The following HEMK2 variants were observed in gnomAD, a reference collection of about 807,000 sequenced individuals.
HEMK2 encodes the protein methyltransferase HEMK2.
At chr21:28,863,356 C>T in the HEMK2 span, among the ~76,000 whole-genome samples, 26 of 141,378 alleles carry the variant, frequency 1.8e-4, no homozygotes, top group Admixed American at 9.6e-4. Flanking sequence ...AGCCTGCAGA[C>T]GGCTTATTGT....
At chr21:28,783,494 T>C in the HEMK2 span, among the ~76,000 whole-genome samples, 1 of 152,224 alleles carries the variant, frequency 6.6e-6, no homozygotes, top group Non-Finnish European at 1.5e-5. Context: ...TTAAATAATA[T>C]TTTTAGTATT....
At chr21:28,792,161 C>A in the HEMK2 span, among the ~76,000 whole-genome samples, 1 of 152,066 alleles carries the variant, frequency 6.6e-6, no homozygotes, top group African/African-American at 2.4e-5. Context: ...CCAGGAAATG[C>A]CCGCCCCTTT....
At chr21:28,783,733 T>G in the HEMK2 span, among the ~76,000 whole-genome samples, 9,647 of 152,216 alleles carry the variant, frequency 0.063, 469 homozygotes, top group African/African-American at 0.14. Flanking sequence ...GCCAGCTCCC[T>G]CTGCTTGTGG....
chr21:28,671,172 G>A, the HEMK2 span: 1 of 152,212 alleles, frequency 6.6e-6, no homozygotes, highest in African/African-American at 2.4e-5. Flanking sequence ...TTTGGATCTT[G>A]CCTGTGATCC....
At chr21:28,710,590 A>G in the HEMK2 span, among the ~76,000 whole-genome samples, 1 of 152,206 alleles carries the variant, frequency 6.6e-6, no homozygotes, top group Non-Finnish European at 1.5e-5. Flanking sequence ...TTCTCAAAAC[A>G]TTAAATCCTC....
the HEMK2 span, among the ~76,000 whole-genome samples, chr21:28,812,135 G>A: frequency 3.3e-5 from 5 of 152,308 alleles, no homozygotes; most frequent in African/African-American, 1.2e-4. Context: ...AGTATTTGTG[G>A]TCTAGCCAGA....
At chr21:28,877,410 G>GA in the HEMK2 span, among the ~76,000 whole-genome samples, 21 of 147,556 alleles carry the variant, frequency 1.4e-4, no homozygotes, top group Admixed American at 2.7e-4. Context: ...AGAAAAAAAA[G>GA]AAGGAAGGAA....
the HEMK2 span, among the ~76,000 whole-genome samples, chr21:28,613,821 C>A: frequency 6.6e-6 from 1 of 151,946 alleles, no homozygotes; most frequent in Admixed American, 6.6e-5. Flanking sequence ...TAAGAAATGT[C>A]CTCAAATCTA....
chr21:28,867,192 A>G, the HEMK2 span, among the ~76,000 whole-genome samples: 30 of 152,224 alleles, frequency 2.0e-4, no homozygotes, highest in African/African-American at 7.0e-4. Flanking sequence ...ATGTACAGAG[A>G]TGTTTATAGC....
the HEMK2 span, among the ~76,000 whole-genome samples, chr21:28,743,947 T>G: frequency 6.6e-6 from 1 of 152,096 alleles, no homozygotes; most frequent in East Asian, 1.9e-4. Flanking sequence ...TACAGAAACG[T>G]GGATGGAACT....
At chr21:28,745,815 T>G in the HEMK2 span, among the ~76,000 whole-genome samples, 2 of 152,186 alleles carry the variant, frequency 1.3e-5, no homozygotes, top group African/African-American at 4.8e-5. Flanking sequence ...TCTCACCCCC[T>G]TCAAATCCTA....
chr21:28,811,965 C>T, the HEMK2 span, among the ~76,000 whole-genome samples: 66,794 of 152,006 alleles, frequency 0.44, 16,023 homozygotes, highest in East Asian at 0.71. Context: ...TGGTTTTTAA[C>T]AATGTGGTTC....
chr21:28,613,888 T>A, the HEMK2 span, among the ~76,000 whole-genome samples: 1 of 152,190 alleles, frequency 6.6e-6, no homozygotes, highest in Non-Finnish European at 1.5e-5. Flanking sequence ...ATTTCCATTG[T>A]AAAGCATCAT....
the HEMK2 span, among the ~76,000 whole-genome samples, chr21:28,877,148 GAGAGAAAGAAAGAGAA>G: frequency 1.6e-5 from 2 of 121,824 alleles, no homozygotes; most frequent in Non-Finnish European, 3.3e-5. Context: ...AGAAGAGAGA[GAGAGAAAGAAAGAGAA>G]AGAAAGAAAG....
At chr21:28,686,398 C>A in the HEMK2 span, among the ~76,000 whole-genome samples, 1 of 152,014 alleles carries the variant, frequency 6.6e-6, no homozygotes, top group Non-Finnish European at 1.5e-5. Flanking sequence ...CTGTGCCCGG[C>A]TAATTTTTGT....
chr21:28,677,995 C>A, the HEMK2 span, among the ~76,000 whole-genome samples: 1 of 152,236 alleles, frequency 6.6e-6, no homozygotes, highest in Non-Finnish European at 1.5e-5. Flanking sequence ...CGCCTCTCCT[C>A]CTCCAAAGGA....
chr21:28,816,776 G>C, the HEMK2 span, among the ~76,000 whole-genome samples: 1 of 152,198 alleles, frequency 6.6e-6, no homozygotes. Context: ...AAAATGCTGC[G>C]CAAAGAAAAG....
the HEMK2 span, among the ~76,000 whole-genome samples, chr21:28,596,132 T>C: frequency 6.6e-6 from 1 of 152,120 alleles, no homozygotes; most frequent in African/African-American, 2.4e-5. Flanking sequence ...AAGCTCTGCC[T>C]CAGCCTCCCG....
chr21:28,847,398 C>T, the HEMK2 span, among the ~76,000 whole-genome samples: 11 of 152,100 alleles, frequency 7.2e-5, no homozygotes, highest in Admixed American at 2.0e-4. Flanking sequence ...TTTTCATATG[C>T]GTTTTGGCCA....
Sources: allele counts gnomAD v4.1 joint callset (sites outside exome capture counted in the v4.1 genomes callset), GRCh38; gene constraint gnomAD v4.1.1; transcripts MANE v1.5; gene names NCBI Gene and HGNC (gene_info 2026-07-23, HGNC 2026-07-21).